APLF: variants seen among roughly 807,000 people sequenced by gnomAD.
The protein encoded by APLF is aprataxin and PNK-like factor.
In APLF, 61 loss-of-function variants were observed where a neutral mutation model predicts 55.6. The observed-to-expected ratio is 1.10, with a 90% CI of 0.89 to 1.36. The LOEUF (loss-of-function observed/expected upper bound fraction) is 1.36. APLF is among the 40% of genes most tolerant of loss of function. APLF has a pLI of 0.00. For synonymous variants in APLF, 207 were observed against 214.8 expected (o/e 0.96, Z 0.32); for missense variants, 611 against 602.5 (o/e 1.01, Z -0.15).
chr2:68,502,635 T>A, intron 2 of APLF, 96 bp from the exon 3 acceptor site: 2 of 824,826 alleles, frequency 2.4e-6, no homozygotes, highest in Non-Finnish European at 3.3e-6. Flanking sequence ...AATTATGAAT[T>A]CATATTTAAT....
chr2:68,553,734 T>A (rs913415286), intron 8 of APLF, among the ~76,000 whole-genome samples: 1 of 152,112 alleles, frequency 6.6e-6, no homozygotes, highest in Non-Finnish European at 1.5e-5. Context: ...AAGCCTGTTT[T>A]CCATGACAGA....
intron 1 of APLF, among the ~76,000 whole-genome samples, chr2:68,470,971 TTG>T (rs1378333616): frequency 6.6e-6 from 1 of 152,240 alleles, no homozygotes; most frequent in South Asian, 2.1e-4. Context: ...TTTTAACTGC[TTG>T]TTGCAGAATC....
intron 5 of APLF, among the ~76,000 whole-genome samples, chr2:68,516,168 C>T (rs932238216): frequency 1.1e-4 from 17 of 151,576 alleles, no homozygotes; most frequent in African/African-American, 3.9e-4. Context: ...TATCCAAGAT[C>T]ATATAATAAA....
chr2:68,547,944 T>A (rs1573249084), intron 8 of APLF, among the ~76,000 whole-genome samples: 1 of 151,914 alleles, frequency 6.6e-6, no homozygotes, highest in South Asian at 2.1e-4. Flanking sequence ...ATTAGATAGA[T>A]GTTCAAGAAA....
chr2:68,494,799 C>G (rs148731773), intron 2 of APLF, among the ~76,000 whole-genome samples: 21 of 152,230 alleles, frequency 1.4e-4, no homozygotes, highest in African/African-American at 5.1e-4. Context: ...TAATGGCTTC[C>G]AACTCCATCC....
chr2:68,522,779 T>C (rs2103976725), intron 5 of APLF, among the ~76,000 whole-genome samples: 1 of 152,054 alleles, frequency 6.6e-6, no homozygotes, highest in East Asian at 1.9e-4. Flanking sequence ...CAATAAATGA[T>C]GTTGAGAAAA....
At chr2:68,478,657 C>G (rs1675856612) in intron 1 of APLF, among the ~76,000 whole-genome samples, 1 of 152,008 alleles carries the variant, frequency 6.6e-6, no homozygotes, top group Non-Finnish European at 1.5e-5. Context: ...TTAAGATAAT[C>G]ATTGAGGAGA....
intron 5 of APLF, 27 bp downstream of exon 5, chr2:68,513,707 A>C: frequency 6.2e-7 from 1 of 1,602,586 alleles, no homozygotes; most frequent in Non-Finnish European, 8.5e-7. Flanking sequence ...ACTAATGCTG[A>C]CTTTAAAGGA....
intron 5 of APLF, among the ~76,000 whole-genome samples, chr2:68,521,927 G>C (rs1362815886): frequency 2.0e-5 from 3 of 151,912 alleles, no homozygotes; most frequent in African/African-American, 7.2e-5. Flanking sequence ...TATGTAAAGT[G>C]CTAGTTATTC....
In APLF at chr2:68,547,747, AT is replaced by A. The variant is rs969359879; in HGVS notation, c.1286+2444del. Among the ~76,000 whole-genome samples the A allele has an allele frequency of 5.4e-4, 81 of 149,300 alleles. 1 individual carries two copies. Among genetic ancestry groups the A allele is most frequent in the Admixed American group, 4.5e-3 (68 of 15,088 alleles). On this transcript the variant is annotated intron_variant, in intron 8 of 9. Coordinates refer to ENST00000303795, the MANE Select transcript of APLF (RefSeq NM_173545.3). ...GTAAAAAACAAAATAATATAGCTTTATTTTTTTTTGTTTGTAAATTACCCAG... is the reference window on the plus strand; with the variant it reads ...GTAAAAAACAAAATAATATAGCTTTATTTTTTTTGTTTGTAAATTACCCAG...
intron 8 of APLF, among the ~76,000 whole-genome samples, chr2:68,555,236 A>G (rs1440527939): frequency 6.6e-6 from 1 of 152,156 alleles, no homozygotes; most frequent in Non-Finnish European, 1.5e-5. Flanking sequence ...AAACCCTTCT[A>G]GACATTGGCT....
intron 1 of APLF, among the ~76,000 whole-genome samples, chr2:68,481,652 C>T (rs1675961077): frequency 6.6e-6 from 1 of 152,156 alleles, no homozygotes; most frequent in Non-Finnish European, 1.5e-5. Context: ...TTCTGTCTCT[C>T]AAGGCTTGGG....
At chr2:68,567,534 T>TA (rs71395979) in intron 9 of APLF, 147 bp downstream of exon 9, 42,510 of 651,164 alleles carry the variant, frequency 0.065, 1,318 homozygotes, top group African/African-American at 0.11. Context: ...TTTCTTATAT[T>TA]AAAAAAAAAC....
intron 8 of APLF, among the ~76,000 whole-genome samples, chr2:68,564,664 A>T (rs1671251224): frequency 6.6e-6 from 1 of 152,062 alleles, no homozygotes; most frequent in African/African-American, 2.4e-5. Flanking sequence ...TCCCTTTTAC[A>T]TGTGGGAAAA....
At chr2:68,530,768 G>A (rs1325799715) in intron 6 of APLF, among the ~76,000 whole-genome samples, 8 of 152,116 alleles carry the variant, frequency 5.3e-5, no homozygotes, top group Non-Finnish European at 1.2e-4. Flanking sequence ...ATACTCTTGG[G>A]TGTCTGGACT....
chr2:68,489,569 G>A (rs79299541), intron 1 of APLF, among the ~76,000 whole-genome samples: 4,508 of 152,266 alleles, frequency 0.03, 97 homozygotes, highest in Non-Finnish European at 0.045. Context: ...CTCAAAACAG[G>A]AAGCAAATAG....
At position 68,467,619 on chromosome 2, in the gene APLF, G is replaced by A. The variant is rs1346521226; in HGVS notation, c.-113G>A. 7.9e-6 allele frequency: 7 copies of A among 882,632 alleles called. No individual in the cohort carries two copies. In the Admixed American group the frequency reaches 2.6e-4, roughly 33 times the overall value. 54.7% of individuals were successfully genotyped at this position (882,632 alleles called of 1,614,324 possible). A position where few individuals can be genotyped will look rare whatever the true frequency, so the allele number is the denominator to read the frequency against. The stretch of plus-strand genomic sequence containing the variant: ...GGCGCAGCCGCGGGGAGCCTTTGAG[G>A]CCCTCCCTCGGTGTTTTTTCCCAGG... On this transcript the variant is annotated 5_prime_UTR_variant, in exon 1 of 10. Coordinates refer to ENST00000303795, the MANE Select transcript of APLF (RefSeq NM_173545.3).
intron 5 of APLF, among the ~76,000 whole-genome samples, chr2:68,514,519 T>G (rs1258576489): frequency 4.6e-5 from 7 of 151,868 alleles, no homozygotes; most frequent in Admixed American, 2.6e-4. Context: ...TCTAGGTAGT[T>G]CCTTCACTTT....
chr2:68,473,005 A>C (rs559944587), intron 1 of APLF, among the ~76,000 whole-genome samples: 106 of 152,264 alleles, frequency 7.0e-4, no homozygotes, highest in African/African-American at 2.5e-3. Flanking sequence ...GAATTGATGA[A>C]TCCACATTGA....
Sources: allele counts gnomAD v4.1 joint callset (sites outside exome capture counted in the v4.1 genomes callset), GRCh38; gene constraint gnomAD v4.1.1; transcripts MANE v1.5; gene names NCBI Gene and HGNC (gene_info 2026-07-23, HGNC 2026-07-21).